Variants in SPAM1 observed in about 807,000 individuals in gnomAD.
The protein encoded by SPAM1 is sperm adhesion molecule 1.
Under a neutral mutation model 29.6 loss-of-function variants are expected in SPAM1, and 22 were observed. The ratio of observed to expected loss-of-function variants is 0.74; its 90% CI spans 0.53 to 1.06. SPAM1 has a LOEUF of 1.06. Among genes scored for constraint, SPAM1 ranks in the 50% least tolerant of loss-of-function variants. SPAM1 has a pLI of 0.00. For synonymous variants in SPAM1, 194 were observed against 204.6 expected, an observed-to-expected ratio of 0.95 and a Z score of 0.44; for missense variants, 534 against 604.0, an observed-to-expected ratio of 0.88 and a Z score of 1.21.
chr7:123,968,378 C>T (rs920739812), intron 5 of SPAM1, among the ~76,000 whole-genome samples: 6 of 152,008 alleles, frequency 3.9e-5, no homozygotes, highest in South Asian at 4.1e-4. Flanking sequence ...CGCTGGCAGG[C>T]GTGTCTTATG....
At chr7:123,934,693 A>G (rs1440089271) in intron 1 of SPAM1, among the ~76,000 whole-genome samples, 1 of 152,196 alleles carries the variant, frequency 6.6e-6, no homozygotes, top group Non-Finnish European at 1.5e-5. Flanking sequence ...TTGCTACAAC[A>G]TGGATGAGCC....
intron 4 of SPAM1, among the ~76,000 whole-genome samples, chr7:123,957,413 G>A (rs2117067269): frequency 6.6e-6 from 1 of 152,052 alleles, no homozygotes; most frequent in Middle Eastern, 3.4e-3. Flanking sequence ...TATATCTAAG[G>A]TAGAATGGAT....
intron 1 of SPAM1, among the ~76,000 whole-genome samples, chr7:123,931,771 G>A (rs1269837176): frequency 6.6e-6 from 1 of 151,988 alleles, no homozygotes; most frequent in Non-Finnish European, 1.5e-5. Flanking sequence ...ATGCATCCCT[G>A]ACAACCTGTA....
chr7:123,969,280 A>C (rs3922340), intron 5 of SPAM1, among the ~76,000 whole-genome samples: 49,941 of 151,790 alleles, frequency 0.33, 9,428 homozygotes, highest in African/African-American at 0.51. Context: ...TGTACAGAAG[A>C]CTTTCATTTA....
chr7:123,961,499 T>C (rs757994391), downstream of SPAM1, among the ~76,000 whole-genome samples: 1 of 151,934 alleles, frequency 6.6e-6, no homozygotes, highest in South Asian at 2.1e-4. Context: ...ACAAAATGAC[T>C]CCATTTTTCT....
chr7:123,936,189 GAA>G (rs1057094192), intron 1 of SPAM1, among the ~76,000 whole-genome samples: 1 of 152,242 alleles, frequency 6.6e-6, no homozygotes, highest in African/African-American at 2.4e-5. Flanking sequence ...TTGCAGCAGA[GAA>G]AGAGTTTATT....
intron 5 of SPAM1, among the ~76,000 whole-genome samples, chr7:123,967,874 C>T (rs1249578290): frequency 6.6e-6 from 1 of 151,920 alleles, no homozygotes; most frequent in African/African-American, 2.4e-5. Flanking sequence ...AGTCTGGAGG[C>T]AGGAAAACTA....
At position 123,953,540 on chromosome 7, in the gene SPAM1, A is replaced by C; in HGVS notation, c.-31A>C. On this transcript the variant is annotated 5_prime_UTR_variant, in exon 3 of 5. Coordinates refer to ENST00000682466, the MANE Select transcript of SPAM1 (RefSeq NM_153189.3). Reference sequence around the variant, plus strand: ...GGTAAACCAAAGTGTGTAGGAAGAAATAAATGTTTTCATAGTCATTACTCT... The same window carrying C: ...GGTAAACCAAAGTGTGTAGGAAGAACTAAATGTTTTCATAGTCATTACTCT... 1.4e-6 allele frequency: 2 copies of C among 1,429,516 alleles called. No individual in the cohort carries two copies. The highest frequency in any genetic ancestry group is 1.9e-6 in the Non-Finnish European group (2 of 1,048,252). The allele number at this position is 1,429,516 out of a possible 1,614,324, so 88.6% of individuals were successfully genotyped here. A position where few individuals can be genotyped will look rare whatever the true frequency, so the allele number is the denominator to read the frequency against.
rs62472139 is a variant in SPAM1, at chr7:123,928,061, A to G, written c.-319+2709A>G. Among the ~76,000 whole-genome samples the G allele has an allele frequency of 7.3e-3, 1,107 of 152,248 alleles. 6 individuals are homozygous for G. The highest frequency in any genetic ancestry group is 0.011 in the South Asian group (51 of 4,824). On this transcript the variant is annotated intron_variant, in intron 1 of 4. Transcript: ENST00000682466. ...GTACAGATCTATGGATTTGATTCCC[A>G]TCTAAATCAAATTTTACTTTTATTA...
At chr7:123,935,348 A>G (rs1447405780) in intron 1 of SPAM1, among the ~76,000 whole-genome samples, 2 of 152,172 alleles carry the variant, frequency 1.3e-5, no homozygotes, top group Non-Finnish European at 2.9e-5. Context: ...TTTTATATAC[A>G]TTATTTCATC....
In SPAM1 at chr7:123,954,322, G is replaced by T; in HGVS notation, c.752G>T (p.Trp251Leu). The change falls in exon 3 of 5, where the codon TGG (tryptophan) becomes TTG (leucine). Residue 251 changes from tryptophan (W) to leucine (L), a missense_variant. Transcript: ENST00000682466. ...VEIKRNDDLSWLWNESTALYP... is the reference protein window; with the variant it reads ...VEIKRNDDLSLLWNESTALYP... The stretch of plus-strand genomic sequence containing the variant: ...ATAAAAAGAAATGATGATCTCAGCT[G>T]GTTGTGGAATGAAAGCACTGCTCTT... The T allele has an allele frequency of 6.2e-7, 1 of 1,612,986 alleles. No homozygotes were observed. The highest frequency in any genetic ancestry group is 1.7e-5 in the Admixed American group (1 of 59,818).
rs555341776 is a variant in SPAM1, at chr7:123,949,666, G to A, written c.-318-206G>A. ...ATACTACACATGTGAATATCTACAC[G>A]TAGCTACATAATTTTTATTACAAAA... On this transcript the variant is annotated intron_variant, in intron 1 of 4. Coordinates refer to ENST00000682466, the MANE Select transcript of SPAM1 (RefSeq NM_153189.3). 4.6e-5 allele frequency among the ~76,000 whole-genome samples: 7 copies of A among 151,952 alleles called. No homozygotes were observed. In the South Asian group the frequency reaches 6.2e-4, roughly 14 times the overall value.
At chr7:123,948,656 A>G (rs1808666135) in intron 1 of SPAM1, among the ~76,000 whole-genome samples, 1 of 152,138 alleles carries the variant, frequency 6.6e-6, no homozygotes, top group South Asian at 2.1e-4. Flanking sequence ...TGCTTTCACC[A>G]AAGTTATAGT....
chr7:123,937,054 A>G (rs1808262322), intron 1 of SPAM1, among the ~76,000 whole-genome samples: 1 of 152,212 alleles, frequency 6.6e-6, no homozygotes, highest in African/African-American at 2.4e-5. Flanking sequence ...ATCAGTATCC[A>G]TGGCAAATAT....
Position 123,950,965 on chromosome 7 carries a change from A to G in SPAM1, c.-207+982A>G, listed in dbSNP as rs566037173. Among the ~76,000 whole-genome samples the G allele has an allele frequency of 2.6e-5, 4 of 152,288 alleles. No homozygotes were observed. In the East Asian group the frequency reaches 7.7e-4, roughly 29 times the overall value. ...TAATAGCCATTCTGACTGGTGTAAG[A>G]TGATATCTCATTGCAGTTTAGACTT... On this transcript the variant is annotated intron_variant, in intron 2 of 4. Transcript: ENST00000682466.
chr7:123,954,454 A>G lies in SPAM1; in HGVS notation c.884A>G (p.Lys295Arg), dbSNP rs1233202659. 6.2e-7 allele frequency: 1 copy of G among 1,613,316 alleles called. No individual in the cohort carries two copies. Among genetic ancestry groups the G allele is most frequent in the South Asian group, 1.1e-5 (1 of 91,048 alleles). The change falls in exon 3 of 5, where the codon AAA becomes AGA. Residue 295 changes from lysine (K) to arginine (R), a missense_variant. By Grantham distance (26) the Lys-to-Arg change is conservative. Coordinates refer to ENST00000682466, the MANE Select transcript of SPAM1 (RefSeq NM_153189.3). The stretch of plus-strand genomic sequence containing the variant: ...AGAGTTTCCAAAATACCTGATGCAA[A>G]AAGTCCACTTCCGGTTTTTGCATAT... ...AIRVSKIPDA[K>R]SPLPVFAYTR...
At chr7:123,955,570 C>T (rs575114760) in intron 4 of SPAM1, among the ~76,000 whole-genome samples, 1 of 152,020 alleles carries the variant, frequency 6.6e-6, no homozygotes, top group South Asian at 2.1e-4. Context: ...TGAAGAATGC[C>T]AGATGAAGCT....
At chr7:123,960,146 A>G, downstream of SPAM1, 1 of 804,782 alleles carries the variant, frequency 1.2e-6, no homozygotes, top group Non-Finnish European at 1.8e-6. Flanking sequence ...GCTATATTGT[A>G]TGAATTCTCA....
chr7:123,965,065 T>A (rs908176083), intron 5 of SPAM1, among the ~76,000 whole-genome samples: 12 of 151,892 alleles, frequency 7.9e-5, no homozygotes, highest in African/African-American at 2.4e-4. Context: ...GATTTAATTA[T>A]TTTTTTTCCA....
Sources: gnomAD v4.1 joint callset for allele counts (sites outside exome capture counted in the v4.1 genomes callset) on GRCh38, gnomAD v4.1.1 for gene constraint, MANE v1.5 for transcripts, NCBI Gene and HGNC (gene_info 2026-07-23, HGNC 2026-07-21) for gene names.